Variants in ADAM18 observed in about 807,000 individuals in gnomAD.
The protein encoded by ADAM18 is disintegrin and metalloproteinase domain-containing protein 18.
In ADAM18, 117 loss-of-function variants were observed where a neutral mutation model predicts 94.4. That is an observed-to-expected ratio of 1.24 (90% CI 1.07 to 1.45). ADAM18 has a LOEUF of 1.45. Ranked by LOEUF, ADAM18 falls within the 40% of genes most tolerant of loss-of-function variation. ADAM18 has a pLI of 0.00. For synonymous variants in ADAM18, 327 were observed against 291.6 expected (o/e 1.12, Z -1.24); for missense variants, 936 against 880.0 (o/e 1.06, Z -0.81).
At chr8:39,656,849 G>T (rs1820698525) in intron 12 of ADAM18, among the ~76,000 whole-genome samples, 1 of 152,106 alleles carries the variant, frequency 6.6e-6, no homozygotes, top group Admixed American at 6.5e-5. Flanking sequence ...CAGATCAAAA[G>T]CATAATTTGA....
chr8:39,606,214 A>G (rs1288349984), intron 2 of ADAM18, 93 bp from the exon 3 acceptor site: 1 of 670,522 alleles, frequency 1.5e-6, no homozygotes, highest in East Asian at 3.1e-5. Context: ...CATTTTTAAT[A>G]GATAGACTCT....
chr8:39,594,863 C>G (rs1818692736), intron 2 of ADAM18, among the ~76,000 whole-genome samples: 1 of 106,818 alleles, frequency 9.4e-6, no homozygotes, highest in Non-Finnish European at 1.8e-5. Flanking sequence ...CTTCTTAAAT[C>G]AATAGGTTTA....
chr8:39,702,122 C>T lies in ADAM18; in HGVS notation c.1903-4668C>T, dbSNP rs376010101. On this transcript the variant is annotated intron_variant, in intron 17 of 19. Transcript: ENST00000265707. Reference sequence around the variant, plus strand: ...TCCCACCAACAGTGTATAAGTATTCCTTTTACTCTACAACCTTGCCAGCAT... The same window carrying T: ...TCCCACCAACAGTGTATAAGTATTCTTTTTACTCTACAACCTTGCCAGCAT... Among the ~76,000 whole-genome samples, 13 of 152,246 alleles carry T rather than the reference C, an allele frequency of 8.5e-5. 1 individual carries two copies. Among genetic ancestry groups the T allele is most frequent in the East Asian group, 3.9e-4 (2 of 5,176 alleles).
intron 4 of ADAM18, 130 bp downstream of exon 4, chr8:39,609,250 T>C: frequency 1.3e-6 from 1 of 757,056 alleles, no homozygotes; most frequent in Non-Finnish European, 2.1e-6. Context: ...TACATAGAAA[T>C]GGCATGTGAT....
chr8:39,599,716 T>A lies in ADAM18; in HGVS notation c.133-6591T>A, dbSNP rs891629486. The stretch of plus-strand genomic sequence containing the variant: ...AAATTCCATTTTTATTGCATATTCT[T>A]ATTATCCATTGTTGTTATGTAGAAC... On this transcript the variant is annotated intron_variant, in intron 2 of 19. Transcript: ENST00000265707. 3.3e-5 allele frequency among the ~76,000 whole-genome samples: 5 copies of A among 152,292 alleles called. No individual in the cohort carries two copies. In the East Asian group the frequency reaches 9.6e-4, roughly 29 times the overall value.
At chr8:39,719,126 T>G (rs765349410) in intron 18 of ADAM18, among the ~76,000 whole-genome samples, 4 of 151,404 alleles carry the variant, frequency 2.6e-5, no homozygotes, top group Non-Finnish European at 4.4e-5. Context: ...AGCGTGGTAC[T>G]GTCATTAACA....
chr8:39,674,248 G>A (rs1231986524), intron 14 of ADAM18, among the ~76,000 whole-genome samples: 1 of 152,086 alleles, frequency 6.6e-6, no homozygotes. Flanking sequence ...TTATTATTGT[G>A]TGGGAGTCTA....
intron 6 of ADAM18, among the ~76,000 whole-genome samples, chr8:39,623,702 C>G (rs953802602): frequency 6.6e-6 from 1 of 151,870 alleles, no homozygotes; most frequent in African/African-American, 2.4e-5. Context: ...GTTCACGCCA[C>G]TCCCTTCCCT....
At chr8:39,662,737 G>A (rs1048878228) in intron 12 of ADAM18, among the ~76,000 whole-genome samples, 17 of 152,254 alleles carry the variant, frequency 1.1e-4, no homozygotes, top group African/African-American at 4.1e-4. Context: ...CGAGTCTCTT[G>A]CCTCAGCGTC....
intron 19 of ADAM18, among the ~76,000 whole-genome samples, chr8:39,726,266 A>ACG (rs1374025463): frequency 6.7e-6 from 1 of 150,142 alleles, no homozygotes; most frequent in African/African-American, 2.5e-5. Context: ...CTACACACAC[A>ACG]CACACACACA....
chr8:39,592,567 C>G (rs901421648), intron 2 of ADAM18, among the ~76,000 whole-genome samples: 2 of 152,088 alleles, frequency 1.3e-5, no homozygotes, highest in African/African-American at 4.8e-5. Flanking sequence ...AGGCCATTAT[C>G]CTATGTGGAA....
chr8:39,602,207 ATAATTCTATATT>A (rs1271799064), intron 2 of ADAM18, among the ~76,000 whole-genome samples: 4 of 152,196 alleles, frequency 2.6e-5, no homozygotes, highest in Admixed American at 6.5e-5. Flanking sequence ...AAATCATATA[ATAATTCTATATT>A]TTATATGATT....
intron 2 of ADAM18, among the ~76,000 whole-genome samples, chr8:39,600,435 A>G (rs1476380808): frequency 6.6e-6 from 1 of 152,144 alleles, no homozygotes; most frequent in Non-Finnish European, 1.5e-5. Flanking sequence ...TAGAGTATTG[A>G]AGCTTGGCAT....
intron 12 of ADAM18, among the ~76,000 whole-genome samples, chr8:39,663,304 T>C (rs1820894271): frequency 1.3e-5 from 2 of 151,254 alleles, no homozygotes; most frequent in Admixed American, 1.3e-4. Context: ...AATAGTAAAA[T>C]AGGGTCTGGC....
chr8:39,666,707 A>T (rs1055468077), intron 13 of ADAM18, among the ~76,000 whole-genome samples: 1 of 152,194 alleles, frequency 6.6e-6, no homozygotes, highest in Non-Finnish European at 1.5e-5. Context: ...AAACCATCAG[A>T]TCTTGTGAGA....
At chr8:39,670,524 A>C (rs1370078272) in intron 14 of ADAM18, among the ~76,000 whole-genome samples, 1 of 152,218 alleles carries the variant, frequency 6.6e-6, no homozygotes, top group African/African-American at 2.4e-5. Flanking sequence ...TTAAACTTTT[A>C]AAGAAATGTT....
intron 6 of ADAM18, among the ~76,000 whole-genome samples, chr8:39,616,658 T>C (rs1209451147): frequency 6.6e-6 from 1 of 152,078 alleles, no homozygotes; most frequent in East Asian, 1.9e-4. Context: ...AGGGTACTGG[T>C]AGAAAAACAG....
chr8:39,721,384 T>TG (rs767405880), intron 18 of ADAM18, among the ~76,000 whole-genome samples: 7 of 151,282 alleles, frequency 4.6e-5, no homozygotes, highest in Non-Finnish European at 7.4e-5. Context: ...CAAAAACAAA[T>TG]GCAACGAAAG....
chr8:39,692,065 G>T (rs921889578), intron 16 of ADAM18, among the ~76,000 whole-genome samples: 4 of 151,722 alleles, frequency 2.6e-5, no homozygotes, highest in Admixed American at 2.0e-4. Context: ...ACATATCTGG[G>T]TGATTATTCA....
Sources: gnomAD v4.1 joint callset for allele counts (sites outside exome capture counted in the v4.1 genomes callset) on GRCh38, gnomAD v4.1.1 for gene constraint, MANE v1.5 for transcripts, NCBI Gene and HGNC (gene_info 2026-07-23, HGNC 2026-07-21) for gene names.